HERPUD2: variants seen among roughly 807,000 people sequenced by gnomAD.
HERPUD2 encodes HERPUD family member 2.
In HERPUD2, 13 loss-of-function variants were observed where a neutral mutation model predicts 49.9. The observed-to-expected ratio is 0.26, with a 90% CI of 0.17 to 0.41. The LOEUF (loss-of-function observed/expected upper bound fraction) is 0.41. Ranked by LOEUF, HERPUD2 falls within the 10% of genes least tolerant of loss-of-function variation. HERPUD2 has a pLI of 1.00. For synonymous variants in HERPUD2, 172 were observed against 171.4 expected (o/e 1.00, Z -0.03); for missense variants, 449 against 492.2 (o/e 0.91, Z 0.83).
At chr7:35,661,646 G>C (rs1785424599) in intron 5 of HERPUD2, among the ~76,000 whole-genome samples, 1 of 152,080 alleles carries the variant, frequency 6.6e-6, no homozygotes, top group South Asian at 2.1e-4. Flanking sequence ...ATTGTGAATG[G>C]GAGTTCACTC....
chr7:35,654,014 C>T (rs113028865), intron 5 of HERPUD2, among the ~76,000 whole-genome samples: 1 of 151,700 alleles, frequency 6.6e-6, no homozygotes, highest in Non-Finnish European at 1.5e-5. Flanking sequence ...AAAAAGTTCT[C>T]GAAACAAATG....
intron 2 of HERPUD2, among the ~76,000 whole-genome samples, chr7:35,686,455 G>GA (rs1340859993): frequency 2.1e-5 from 1 of 47,562 alleles, no homozygotes; most frequent in Non-Finnish European, 3.8e-5. Context: ...CCAAAGTGCT[G>GA]GGATTACAGG....
At chr7:35,651,267 G>A (rs1785160941) in intron 5 of HERPUD2, among the ~76,000 whole-genome samples, 2 of 152,018 alleles carry the variant, frequency 1.3e-5, no homozygotes, top group African/African-American at 4.8e-5. Context: ...CTGACTGGAG[G>A]CCCCCCAAGA....
intron 2 of HERPUD2, among the ~76,000 whole-genome samples, chr7:35,691,947 G>A (rs1246981408): frequency 2.0e-5 from 3 of 151,930 alleles, no homozygotes; most frequent in Admixed American, 6.6e-5. Context: ...ATTCTATGAC[G>A]ATAAACACAC....
At chr7:35,634,702 T>C (rs1784842045) in intron 7 of HERPUD2, among the ~76,000 whole-genome samples, 1 of 152,162 alleles carries the variant, frequency 6.6e-6, no homozygotes, top group Non-Finnish European at 1.5e-5. Flanking sequence ...CTGGTACTTT[T>C]CAAAATGAAA....
chr7:35,665,878 G>C (rs1785527651), intron 5 of HERPUD2, among the ~76,000 whole-genome samples: 2 of 152,260 alleles, frequency 1.3e-5, no homozygotes, highest in South Asian at 4.1e-4. Flanking sequence ...TTATTCTGAA[G>C]ACCTGTAATC....
intron 2 of HERPUD2, among the ~76,000 whole-genome samples, chr7:35,692,865 A>T: frequency 6.6e-6 from 1 of 152,258 alleles, no homozygotes; most frequent in East Asian, 1.9e-4. Context: ...TCCTTAACTT[A>T]GGTGCATAAA....
chr7:35,659,122 G>C (rs185242898), intron 5 of HERPUD2, among the ~76,000 whole-genome samples: 56 of 152,298 alleles, frequency 3.7e-4, no homozygotes, highest in African/African-American at 1.3e-3. Context: ...ACAAAGAGCA[G>C]AGCTGTTTTA....
chr7:35,633,630 T>C lies in HERPUD2; in HGVS notation c.*60A>G. On this transcript the variant is annotated 3_prime_UTR_variant, in exon 9 of 9. Transcript: ENST00000311350. ...GTTATAAATTTTTTTGAAATTGCAC[T>C]GTTATTTAAACCACTTTCCTGAAGT... 1 of 1,492,144 alleles carries C rather than the reference T, an allele frequency of 6.7e-7. No individual in the cohort carries two copies. Among genetic ancestry groups the C allele is most frequent in the Non-Finnish European group, 9.1e-7 (1 of 1,100,338 alleles). The allele number at this position is 1,492,144 out of a possible 1,614,324, so 92.4% of individuals were successfully genotyped here.
At chr7:35,643,822 A>C (rs1384776424) in intron 5 of HERPUD2, among the ~76,000 whole-genome samples, 3 of 151,530 alleles carry the variant, frequency 2.0e-5, no homozygotes, top group Admixed American at 6.6e-5. Flanking sequence ...AAAAGAAAAA[A>C]TAGAAAGCTG....
intron 2 of HERPUD2, among the ~76,000 whole-genome samples, chr7:35,680,818 T>C (rs143138380): frequency 6.6e-6 from 1 of 152,356 alleles, no homozygotes; most frequent in East Asian, 1.9e-4. Flanking sequence ...TGTCAACATG[T>C]GTTTTTTTCT....
intron 2 of HERPUD2, among the ~76,000 whole-genome samples, chr7:35,687,881 T>C (rs1467314999): frequency 6.6e-6 from 1 of 152,204 alleles, no homozygotes; most frequent in Admixed American, 6.5e-5. Flanking sequence ...ATTTTTTATG[T>C]CAAGGATTAA....
chr7:35,637,774 CAGAA>C (rs1213828875), intron 6 of HERPUD2, among the ~76,000 whole-genome samples: 2 of 152,234 alleles, frequency 1.3e-5, no homozygotes, highest in Admixed American at 1.3e-4. Context: ...TTAAAGGACA[CAGAA>C]AGAGTGACCA....
At chr7:35,647,413 C>T (rs755431616) in intron 5 of HERPUD2, among the ~76,000 whole-genome samples, 41 of 152,178 alleles carry the variant, frequency 2.7e-4, no homozygotes, top group Non-Finnish European at 4.6e-4. Flanking sequence ...ATCTGACCTA[C>T]TTTCAGTGAG....
rs1290550487 is a variant in HERPUD2, at chr7:35,658,154, G to C, written c.494+9280C>G. ...TAGAACACTATTTCACCGTAAAAGA[G>C]GATGAAATCCTGTCATTTGCAGCAA... On this transcript the variant is annotated intron_variant, in intron 5 of 8. Transcript: ENST00000311350. Among the ~76,000 whole-genome samples, 7 of 152,308 alleles carry C rather than the reference G, an allele frequency of 4.6e-5. No homozygotes were observed. The East Asian group carries it at 1.3e-3, about 29-fold the overall frequency.
chr7:35,677,000 T>C (rs1456881583), intron 2 of HERPUD2, among the ~76,000 whole-genome samples: 2 of 152,196 alleles, frequency 1.3e-5, no homozygotes, highest in Non-Finnish European at 2.9e-5. Context: ...CATCCTGACA[T>C]TTTTAAATTC....
At chr7:35,644,715 C>A (rs1294703276) in intron 5 of HERPUD2, among the ~76,000 whole-genome samples, 1 of 152,052 alleles carries the variant, frequency 6.6e-6, no homozygotes, top group Non-Finnish European at 1.5e-5. Flanking sequence ...TCCAGTGAGC[C>A]AAGATCGCAC....
At chr7:35,648,323 C>A (rs1469188810) in intron 5 of HERPUD2, among the ~76,000 whole-genome samples, 5 of 152,074 alleles carry the variant, frequency 3.3e-5, no homozygotes, top group Admixed American at 1.3e-4. Context: ...AAAAGATCGC[C>A]CCAGTTCTTC....
chr7:35,663,664 T>C (rs1387310077), intron 5 of HERPUD2, among the ~76,000 whole-genome samples: 1 of 152,094 alleles, frequency 6.6e-6, no homozygotes, highest in African/African-American at 2.4e-5. Flanking sequence ...TAATGGCCTT[T>C]TGTCTCTTTT....
Sources: allele counts gnomAD v4.1 joint callset (sites outside exome capture counted in the v4.1 genomes callset), GRCh38; gene constraint gnomAD v4.1.1; transcripts MANE v1.5; gene names NCBI Gene and HGNC (gene_info 2026-07-23, HGNC 2026-07-21).